GRID2: variants seen among roughly 807,000 people sequenced by gnomAD.
GRID2 encodes glutamate ionotropic receptor delta type subunit 2.
A neutral mutation model predicts 114.8 loss-of-function variants in GRID2; 33 were observed. That is an observed-to-expected ratio of 0.29 (90% CI 0.22 to 0.38). GRID2 has a LOEUF of 0.38. Among genes scored for constraint, GRID2 ranks in the 10% least tolerant of loss-of-function variants. The probability of loss-of-function intolerance (pLI) is 1.00; values close to 1 mark genes in which losing one functional copy is unlikely to be tolerated. For synonymous variants in GRID2, 505 were observed against 449.9 expected (o/e 1.12, Z -1.55); for missense variants, 1,184 against 1,257.7 (o/e 0.94, Z 0.89).
At chr4:92,931,210 A>C (rs1361200936) in intron 2 of GRID2, among the ~76,000 whole-genome samples, 1 of 150,994 alleles carries the variant, frequency 6.6e-6, no homozygotes, top group Non-Finnish European at 1.5e-5. Flanking sequence ...TTGAAAATCA[A>C]CTCACTAATT....
chr4:92,394,577 C>G (rs910531613), intron 1 of GRID2, among the ~76,000 whole-genome samples: 5 of 151,840 alleles, frequency 3.3e-5, no homozygotes, highest in Non-Finnish European at 7.4e-5. Flanking sequence ...GGGTCACAGG[C>G]TGAAAAATGA....
chr4:92,861,650 C>T (rs978052179), intron 2 of GRID2, among the ~76,000 whole-genome samples: 2 of 151,986 alleles, frequency 1.3e-5, no homozygotes, highest in South Asian at 4.1e-4. Context: ...TTGGTTACTA[C>T]TACATTTCTG....
At chr4:93,552,329 G>T (rs1212439083) in intron 13 of GRID2, among the ~76,000 whole-genome samples, 1 of 152,054 alleles carries the variant, frequency 6.6e-6, no homozygotes. Context: ...GAATCGTGCT[G>T]CAATAAACAT....
chr4:92,877,320 GT>G (rs1278772142), intron 2 of GRID2, among the ~76,000 whole-genome samples: 2 of 152,208 alleles, frequency 1.3e-5, no homozygotes, highest in African/African-American at 4.8e-5. Flanking sequence ...AAAGGGATAA[GT>G]TTAGCCAGGA....
intron 2 of GRID2, among the ~76,000 whole-genome samples, chr4:93,074,996 C>T (rs530927498): frequency 2.7e-3 from 407 of 152,186 alleles, no homozygotes; most frequent in Non-Finnish European, 5.0e-3. Flanking sequence ...ACTGAAACTC[C>T]GGGCCCAGAA....
At chr4:93,603,744 C>G (rs1258928368) in intron 13 of GRID2, among the ~76,000 whole-genome samples, 1 of 152,190 alleles carries the variant, frequency 6.6e-6, no homozygotes, top group African/African-American at 2.4e-5. Context: ...ACTTACCATT[C>G]TGAAGATACT....
intron 3 of GRID2, among the ~76,000 whole-genome samples, chr4:93,095,772 G>A (rs1457244466): frequency 6.6e-6 from 1 of 151,866 alleles, no homozygotes; most frequent in Non-Finnish European, 1.5e-5. Context: ...ATAATGGAGA[G>A]ATATATGTTC....
At chr4:93,686,724 T>C (rs926081533) in intron 14 of GRID2, among the ~76,000 whole-genome samples, 1 of 151,928 alleles carries the variant, frequency 6.6e-6, no homozygotes, top group Admixed American at 6.6e-5. Flanking sequence ...GAGAAGTGTG[T>C]TTCAGAAAGA....
intron 2 of GRID2, among the ~76,000 whole-genome samples, chr4:92,987,103 T>A (rs986919791): frequency 1.3e-5 from 2 of 152,234 alleles, no homozygotes; most frequent in Admixed American, 6.5e-5. Context: ...CTGATTTACA[T>A]TAATTTTCAT....
At chr4:93,415,448 C>T (rs557965283) in intron 9 of GRID2, among the ~76,000 whole-genome samples, 1 of 152,154 alleles carries the variant, frequency 6.6e-6, no homozygotes, top group Admixed American at 6.5e-5. Flanking sequence ...ACTCAAAACG[C>T]AGTCTGAGAG....
intron 2 of GRID2, among the ~76,000 whole-genome samples, chr4:93,042,056 C>T (rs537122508): frequency 2.0e-5 from 3 of 151,964 alleles, no homozygotes; most frequent in Non-Finnish European, 4.4e-5. Context: ...GTGCCCGCCA[C>T]CATGCCTGGC....
chr4:92,911,643 T>A (rs1394258065), intron 2 of GRID2, among the ~76,000 whole-genome samples: 1 of 151,902 alleles, frequency 6.6e-6, no homozygotes, highest in Non-Finnish European at 1.5e-5. Context: ...GAAGAAAATA[T>A]ATTGTGGAAA....
chr4:93,658,387 A>G (rs1723201384), intron 14 of GRID2, among the ~76,000 whole-genome samples: 1 of 152,220 alleles, frequency 6.6e-6, no homozygotes, highest in Admixed American at 6.5e-5. Context: ...ATATTGAAAT[A>G]ATACCATTTA....
intron 1 of GRID2, among the ~76,000 whole-genome samples, chr4:93,783,782 C>T (rs1456736754): frequency 6.6e-6 from 1 of 152,096 alleles, no homozygotes; most frequent in Non-Finnish European, 1.5e-5. Context: ...CTTAGAAAAA[C>T]CAACCCTTGG....
chr4:93,168,718 G>A (rs1449219776), intron 4 of GRID2, among the ~76,000 whole-genome samples: 1 of 152,040 alleles, frequency 6.6e-6, no homozygotes. Context: ...ACAGAACCGT[G>A]ACTAGAGATA....
intron 2 of GRID2, among the ~76,000 whole-genome samples, chr4:92,605,085 G>T (rs1322805953): frequency 1.3e-5 from 2 of 151,986 alleles, no homozygotes; most frequent in South Asian, 2.1e-4. Flanking sequence ...TGCTATGATT[G>T]TAAGTTTCCT....
At chr4:93,359,755 C>G (rs1475964825) in intron 8 of GRID2, among the ~76,000 whole-genome samples, 2 of 136,354 alleles carry the variant, frequency 1.5e-5, no homozygotes, top group African/African-American at 5.3e-5. Flanking sequence ...AACAGTAGCT[C>G]CAACATCATG....
chr4:92,883,961 C>T (rs537402381), intron 2 of GRID2, among the ~76,000 whole-genome samples: 2 of 152,206 alleles, frequency 1.3e-5, no homozygotes, highest in African/African-American at 2.4e-5. Flanking sequence ...GAGAGTCAAC[C>T]TCTTCTTTGC....
At chr4:92,384,452 A>ATAT (rs1729776368) in intron 1 of GRID2, among the ~76,000 whole-genome samples, 1 of 32,782 alleles carries the variant, frequency 3.1e-5, no homozygotes, top group Non-Finnish European at 5.1e-5. Flanking sequence ...ATATATATAT[A>ATAT]TATATATATA....
Sources: gnomAD v4.1 joint callset for allele counts (sites outside exome capture counted in the v4.1 genomes callset) on GRCh38, gnomAD v4.1.1 for gene constraint, MANE v1.5 for transcripts, NCBI Gene and HGNC (gene_info 2026-07-23, HGNC 2026-07-21) for gene names.